The following DHRSX variants were observed in gnomAD, a reference collection of about 807,000 sequenced individuals.
DHRSX encodes the protein polyprenol dehydrogenase.
Under a neutral mutation model 34.0 loss-of-function variants are expected in DHRSX, and 31 were observed. That is an observed-to-expected ratio of 0.91 (90% CI 0.69 to 1.23). The LOEUF (loss-of-function observed/expected upper bound fraction) is 1.23, where lower values mean the gene tolerates loss of function less well. Among genes scored for constraint, DHRSX ranks in the 50% most tolerant of loss-of-function variants. The pLI is 0.00. For missense variants in DHRSX, 414 were observed against 428.1 expected (o/e 0.97, Z 0.29); for synonymous variants, 201 against 183.8 (o/e 1.09, Z -0.76).
intron 3 of DHRSX, among the ~76,000 whole-genome samples, chrX:2,304,231 G>A (rs2042069593): frequency 2.2e-5 from 3 of 137,658 alleles, no homozygotes; most frequent in Non-Finnish European, 3.2e-5. Flanking sequence ...ATGGATGGAT[G>A]GATGGATGGA....
chrX:2,226,191 T>G (rs1408886662), intron 6 of DHRSX, among the ~76,000 whole-genome samples: 2 of 152,136 alleles, frequency 1.3e-5, no homozygotes, highest in Non-Finnish European at 2.9e-5. Flanking sequence ...TGGCGCAGGC[T>G]GCTGTGTGCA....
At chrX:2,248,041 T>C (rs1170207497) in intron 5 of DHRSX, among the ~76,000 whole-genome samples, 1 of 152,162 alleles carries the variant, frequency 6.6e-6, no homozygotes, top group African/African-American at 2.4e-5. Flanking sequence ...CTCACGGCTA[T>C]AATCCCGGCA....
chrX:2,335,333 A>G (rs1028627967), intron 3 of DHRSX, among the ~76,000 whole-genome samples: 6 of 151,788 alleles, frequency 4.0e-5, no homozygotes, highest in African/African-American at 1.4e-4. Flanking sequence ...ATCAATCAAT[A>G]TATGTTGAGA....
At chrX:2,431,555 C>A (rs1035101593) in intron 1 of DHRSX, among the ~76,000 whole-genome samples, 1 of 152,022 alleles carries the variant, frequency 6.6e-6, no homozygotes, top group African/African-American at 2.4e-5. Context: ...TGCATCTATA[C>A]CATGGAATAC....
chrX:2,477,572 G>A (rs139256225), intron 1 of DHRSX, among the ~76,000 whole-genome samples: 2,150 of 152,290 alleles, frequency 0.014, 33 homozygotes, highest in Non-Finnish European at 0.025. Flanking sequence ...GCGGCCAGGC[G>A]CGGGGGCTCA....
At chrX:2,232,577 TTTTA>T (rs1399680889) in intron 6 of DHRSX, among the ~76,000 whole-genome samples, 2 of 151,822 alleles carry the variant, frequency 1.3e-5, no homozygotes, top group African/African-American at 2.4e-5. Flanking sequence ...CAGCATTTTT[TTTTA>T]TTTTTTATTA....
At chrX:2,427,788 C>G (rs969090262) in intron 1 of DHRSX, among the ~76,000 whole-genome samples, 8 of 152,228 alleles carry the variant, frequency 5.3e-5, no homozygotes, top group African/African-American at 1.7e-4. Flanking sequence ...CACATATGAT[C>G]TTTTTCAAGT....
intron 1 of DHRSX, among the ~76,000 whole-genome samples, chrX:2,449,141 A>G (rs35037843): frequency 0.23 from 34,786 of 151,486 alleles, 4,537 homozygotes; most frequent in African/African-American, 0.33. Context: ...GTGAGCTAAG[A>G]TCGCACCACT....
intron 3 of DHRSX, among the ~76,000 whole-genome samples, chrX:2,307,132 TA>T (rs1181164505): frequency 2.0e-5 from 3 of 152,040 alleles, no homozygotes; most frequent in Admixed American, 6.6e-5. Context: ...TATAGAGCCA[TA>T]AAAAAGAATG....
intron 3 of DHRSX, among the ~76,000 whole-genome samples, chrX:2,324,110 T>G (rs1602944150): frequency 6.6e-6 from 1 of 152,014 alleles, no homozygotes; most frequent in Non-Finnish European, 1.5e-5. Flanking sequence ...CTCTGCTTTG[T>G]AATTAAAAGT....
At chrX:2,241,939 CAA>C (rs2016150958) in intron 6 of DHRSX, among the ~76,000 whole-genome samples, 1 of 152,032 alleles carries the variant, frequency 6.6e-6, no homozygotes, top group Admixed American at 6.6e-5. Context: ...ACAACAATAA[CAA>C]AAAACATTAT....
intron 3 of DHRSX, among the ~76,000 whole-genome samples, chrX:2,341,524 G>A (rs1172496349): frequency 6.6e-6 from 1 of 151,962 alleles, no homozygotes; most frequent in Non-Finnish European, 1.5e-5. Flanking sequence ...CTCTTACAAG[G>A]ACACCTGTCA....
intron 1 of DHRSX, among the ~76,000 whole-genome samples, chrX:2,482,115 G>A (rs2044782274): frequency 4.9e-5 from 7 of 142,800 alleles, no homozygotes; most frequent in Admixed American, 4.2e-4. Flanking sequence ...ACACACGTGT[G>A]CCACCACGTC....
chrX:2,235,502 T>C (rs1476336018), intron 6 of DHRSX, among the ~76,000 whole-genome samples: 1 of 151,852 alleles, frequency 6.6e-6, no homozygotes, highest in African/African-American at 2.4e-5. Flanking sequence ...CCCAGCACTC[T>C]GGGAGGCCGA....
chrX:2,484,736 A>G (rs1314304265), intron 1 of DHRSX, among the ~76,000 whole-genome samples: 2 of 152,130 alleles, frequency 1.3e-5, no homozygotes, highest in Non-Finnish European at 2.9e-5. Context: ...GGCGGGCCTG[A>G]GATCACAGAG....
intron 5 of DHRSX, among the ~76,000 whole-genome samples, chrX:2,254,407 C>T (rs1002631610): frequency 1.3e-5 from 2 of 152,130 alleles, no homozygotes; most frequent in African/African-American, 4.8e-5. Context: ...CTCATTAAAC[C>T]TGATGACAAT....
intron 1 of DHRSX, among the ~76,000 whole-genome samples, chrX:2,463,731 G>C (rs1437849318): frequency 6.6e-6 from 1 of 152,184 alleles, no homozygotes; most frequent in African/African-American, 2.4e-5. Context: ...GGCTGGCTGC[G>C]TCTCTCACTG....
chrX:2,454,776 A>C (rs1368690703), intron 1 of DHRSX, among the ~76,000 whole-genome samples: 1 of 152,122 alleles, frequency 6.6e-6, no homozygotes, highest in Non-Finnish European at 1.5e-5. Context: ...GGATAAAGAA[A>C]GGTGGGAGCA....
At chrX:2,269,053 G>GTA (rs1041903298) in intron 4 of DHRSX, among the ~76,000 whole-genome samples, 38 of 152,214 alleles carry the variant, frequency 2.5e-4, no homozygotes, top group Admixed American at 8.5e-4. Context: ...TTCTGTATTT[G>GTA]TATATATATG....
Sources: allele counts gnomAD v4.1 joint callset (sites outside exome capture counted in the v4.1 genomes callset), GRCh38; gene constraint gnomAD v4.1.1; transcripts MANE v1.5; gene names NCBI Gene and HGNC (gene_info 2026-07-23, HGNC 2026-07-21).